The following NEBL variants were observed in gnomAD, a reference collection of about 807,000 sequenced individuals.
NEBL encodes the protein nebulette, also known as LIM and SH3 protein 2.
A neutral mutation model predicts 140.2 loss-of-function variants in NEBL; 122 were observed. The ratio of observed to expected loss-of-function variants is 0.87; its 90% CI spans 0.75 to 1.01. NEBL has a LOEUF of 1.01. Among genes scored for constraint, NEBL ranks in the 50% least tolerant of loss-of-function variants. The pLI, the probability that NEBL is intolerant of heterozygous loss-of-function variation, is 0.00. For synonymous variants in NEBL, 436 were observed against 398.9 expected (o/e 1.09, Z -1.11); for missense variants, 1,365 against 1,231.3 (o/e 1.11, Z -1.62).
At position 20,847,660 on chromosome 10, in the gene NEBL, A is replaced by G. The variant is rs115699899; in HGVS notation, c.1117-2292T>C. 4.1e-3 allele frequency among the ~76,000 whole-genome samples: 626 copies of G among 152,270 alleles called. 4 individuals are homozygous for G. Among genetic ancestry groups the G allele is most frequent in the African/African-American group, 0.014 (584 of 41,564 alleles). ...GAAAGGGGCAGGGGAGGAAACTAGA[A>G]GGAGGTCCAGCCTGAAATACTGATG... is the stretch of plus-strand genomic sequence containing the variant. On this transcript the variant is annotated intron_variant, in intron 11 of 27. Transcript: ENST00000377122.
intron 2 of NEBL, among the ~76,000 whole-genome samples, chr10:21,087,161 A>T (rs1836671645): frequency 6.6e-6 from 1 of 152,206 alleles, no homozygotes; most frequent in Non-Finnish European, 1.5e-5. Flanking sequence ...CTCCTGGAGA[A>T]CAGGGAAAGT....
intron 2 of NEBL, among the ~76,000 whole-genome samples, chr10:21,084,376 T>A (rs1319330385): frequency 6.6e-6 from 1 of 152,198 alleles, no homozygotes; most frequent in Non-Finnish European, 1.5e-5. Context: ...TCTCTCTCGC[T>A]GCAATCACTG....
intron 4 of NEBL, among the ~76,000 whole-genome samples, chr10:20,939,063 A>G (rs992710255): frequency 1.4e-4 from 22 of 152,302 alleles, no homozygotes; most frequent in Admixed American, 3.9e-4. Context: ...GCAGGCCAAC[A>G]TTCAGATTCA....
At chr10:20,901,668 G>T (rs1428959135), upstream of NEBL, among the ~76,000 whole-genome samples, 1 of 152,082 alleles carries the variant, frequency 6.6e-6, no homozygotes, top group Non-Finnish European at 1.5e-5. Flanking sequence ...ATTCCAAATG[G>T]TTAGGTGAAA....
intron 1 of NEBL, among the ~76,000 whole-genome samples, chr10:21,277,065 G>A (rs1310835422): frequency 6.6e-6 from 1 of 151,972 alleles, no homozygotes; most frequent in Non-Finnish European, 1.5e-5. Context: ...GGAGGTCAAG[G>A]CTGCAGTGAG....
chr10:21,029,638 A>G (rs1833694616), intron 2 of NEBL: 1 of 1,378,406 alleles, frequency 7.3e-7, no homozygotes, highest in African/African-American at 1.4e-5. Flanking sequence ...CTACCCGCCT[A>G]GAAGGGGTGA....
intron 3 of NEBL, among the ~76,000 whole-genome samples, chr10:21,223,634 A>G (rs1453026204): frequency 6.6e-6 from 1 of 152,176 alleles, no homozygotes; most frequent in Non-Finnish European, 1.5e-5. Context: ...ATTGTTCTCC[A>G]TAGTAGTTGT....
At chr10:20,850,844 G>A (rs970359562) in intron 10 of NEBL, among the ~76,000 whole-genome samples, 19 of 152,170 alleles carry the variant, frequency 1.2e-4, no homozygotes, top group African/African-American at 4.6e-4. Context: ...TAGGTAGCAG[G>A]TGTGAGAAAG....
At chr10:21,176,583 G>C (rs570324150), upstream of NEBL, among the ~76,000 whole-genome samples, 1 of 152,222 alleles carries the variant, frequency 6.6e-6, no homozygotes, top group South Asian at 2.1e-4. Flanking sequence ...TATAAACAAA[G>C]AATTGGCAGA....
intron 2 of NEBL, among the ~76,000 whole-genome samples, chr10:21,128,278 A>G (rs1036004381): frequency 6.6e-6 from 1 of 152,208 alleles, no homozygotes; most frequent in African/African-American, 2.4e-5. Flanking sequence ...AACAACAAAA[A>G]CAAATCAACA....
chr10:20,855,292 G>T (rs967894992), intron 9 of NEBL, among the ~76,000 whole-genome samples: 1 of 149,672 alleles, frequency 6.7e-6, no homozygotes, highest in African/African-American at 2.5e-5. Flanking sequence ...TAATAATACA[G>T]ACTTTATAAT....
intron 5 of NEBL, among the ~76,000 whole-genome samples, chr10:20,879,313 A>G (rs1343207812): frequency 1.3e-5 from 2 of 152,204 alleles, no homozygotes; most frequent in Non-Finnish European, 2.9e-5. Flanking sequence ...GTCCTGGCAT[A>G]GTTCCTGGTG....
rs1842800962 is a variant in NEBL at position 21,266,731 on chromosome 10, A to G, written n.183-14903T>C. On this transcript the variant is annotated intron_variant and non_coding_transcript_variant, in intron 1 of 8. Coordinates refer to the NEBL transcript ENST00000675702. ...GAAGCACTAAGGTGAGCATCTCTCAATTTCAGCAAGGGAGAAAATCCCAGC... is the reference window on the plus strand; with the variant it reads ...GAAGCACTAAGGTGAGCATCTCTCAGTTTCAGCAAGGGAGAAAATCCCAGC... Among the ~76,000 whole-genome samples the G allele has an allele frequency of 3.3e-5, 5 of 152,130 alleles. No individual in the cohort carries two copies. In the East Asian group the frequency reaches 9.6e-4, roughly 29 times the overall value.
chr10:21,166,806 T>G (rs1477911081), intron 2 of NEBL, among the ~76,000 whole-genome samples: 1 of 152,232 alleles, frequency 6.6e-6, no homozygotes, highest in East Asian at 1.9e-4. Context: ...TGACACATTG[T>G]TTTGTAATCA....
At chr10:20,863,176 T>A (rs1328910606) in intron 7 of NEBL, among the ~76,000 whole-genome samples, 1 of 152,136 alleles carries the variant, frequency 6.6e-6, no homozygotes, top group Non-Finnish European at 1.5e-5. Flanking sequence ...AAATGAGAAG[T>A]TACATCTGCA....
chr10:20,838,953 GAA>G (rs750527482), intron 13 of NEBL, among the ~76,000 whole-genome samples: 1 of 152,136 alleles, frequency 6.6e-6, no homozygotes, highest in Non-Finnish European at 1.5e-5. Flanking sequence ...TATGTATGGA[GAA>G]ACCAAAAAGT....
At chr10:20,793,548 CTTTCT>C (rs780217637) in intron 26 of NEBL, among the ~76,000 whole-genome samples, 18 of 149,830 alleles carry the variant, frequency 1.2e-4, no homozygotes, top group Non-Finnish European at 2.4e-4. Context: ...ATTTTTCTTT[CTTTCT>C]TTTCTTTTTT....
chr10:20,848,904 T>C (rs1842218105), intron 11 of NEBL, among the ~76,000 whole-genome samples: 1 of 152,198 alleles, frequency 6.6e-6, no homozygotes, highest in African/African-American at 2.4e-5. Flanking sequence ...AATATCTGAG[T>C]GCCTTTTTCC....
intron 4 of NEBL, 122 bp from the exon 5 acceptor site, chr10:20,881,026 ATC>A: frequency 1.3e-6 from 1 of 751,912 alleles, no homozygotes; most frequent in Non-Finnish European, 2.4e-6. Context: ...ATTTGCCTAA[ATC>A]TCTGTAACAA....
Sources: gnomAD v4.1 joint callset for allele counts (sites outside exome capture counted in the v4.1 genomes callset) on GRCh38, gnomAD v4.1.1 for gene constraint, MANE v1.5 for transcripts, NCBI Gene and HGNC (gene_info 2026-07-23, HGNC 2026-07-21) for gene names.